Variants in ZFHX4 observed in about 807,000 individuals in gnomAD.
The protein encoded by ZFHX4 is zinc finger homeobox 4, also known as zinc finger homeobox protein 4.
Under a neutral mutation model 267.6 loss-of-function variants are expected in ZFHX4, and 56 were observed. The observed-to-expected ratio is 0.21, with a 90% confidence interval of 0.17 to 0.26. ZFHX4 has a LOEUF of 0.26. Ranked by LOEUF, ZFHX4 falls within the 10% of genes least tolerant of loss-of-function variation. The pLI is 1.00. For missense variants in ZFHX4, 4,332 were observed against 4,420.0 expected (o/e 0.98, Z 0.56); for synonymous variants, 1,778 against 1,665.6 (o/e 1.07, Z -1.64).
intron 3 of ZFHX4, among the ~76,000 whole-genome samples, chr8:76,754,952 T>G (rs1416100872): frequency 1.3e-5 from 2 of 152,218 alleles, no homozygotes; most frequent in Non-Finnish European, 2.9e-5. Flanking sequence ...TTTTTAACAC[T>G]CATTGCCAAA....
chr8:76,847,745 G>A (rs989866363), intron 6 of ZFHX4, among the ~76,000 whole-genome samples: 4 of 150,660 alleles, frequency 2.7e-5, no homozygotes. Flanking sequence ...TATTTTTTTT[G>A]TTTATTTTTA....
At chr8:76,815,278 C>A (rs897052690) in intron 4 of ZFHX4, among the ~76,000 whole-genome samples, 3 of 152,130 alleles carry the variant, frequency 2.0e-5, no homozygotes, top group African/African-American at 4.8e-5. Context: ...ACTAAGCTCA[C>A]TGTCTTAGTC....
At chr8:76,791,256 G>C (rs1047073021) in intron 4 of ZFHX4, among the ~76,000 whole-genome samples, 1 of 152,052 alleles carries the variant, frequency 6.6e-6, no homozygotes, top group African/African-American at 2.4e-5. Context: ...TTTTTATACA[G>C]ATCACACAGC....
intron 3 of ZFHX4, among the ~76,000 whole-genome samples, chr8:76,756,064 A>G (rs1809753102): frequency 6.6e-6 from 1 of 152,202 alleles, no homozygotes; most frequent in Admixed American, 6.5e-5. Flanking sequence ...TGAAGAAATC[A>G]TCAAAGAAGA....
At chr8:76,738,099 T>C (rs1809212749) in intron 3 of ZFHX4, among the ~76,000 whole-genome samples, 1 of 152,208 alleles carries the variant, frequency 6.6e-6, no homozygotes, top group African/African-American at 2.4e-5. Context: ...GCATCACATG[T>C]AGGAGGAAGG....
At chr8:76,845,427 C>T (rs1249227951) in intron 6 of ZFHX4, among the ~76,000 whole-genome samples, 3 of 151,916 alleles carry the variant, frequency 2.0e-5, no homozygotes, top group African/African-American at 7.2e-5. Context: ...AGGGAGTAAA[C>T]ATGAGGAAAG....
intron 3 of ZFHX4, among the ~76,000 whole-genome samples, chr8:76,734,195 A>G (rs560274775): frequency 6.6e-6 from 1 of 152,330 alleles, no homozygotes; most frequent in African/African-American, 2.4e-5. Context: ...CCTAAAATTG[A>G]AAACATCTGT....
chr8:76,774,211 G>A (rs990481557), intron 3 of ZFHX4, among the ~76,000 whole-genome samples: 1 of 152,070 alleles, frequency 6.6e-6, no homozygotes, highest in African/African-American at 2.4e-5. Flanking sequence ...TTATTTGGTG[G>A]TAAGACGTTT....
At position 76,685,550 on chromosome 8, in the gene ZFHX4, C is replaced by T. The variant is rs924160796; in HGVS notation, c.-47+3930C>T. On this transcript the variant is annotated intron_variant, in intron 1 of 10. Coordinates refer to ENST00000651372, the MANE Select transcript of ZFHX4 (RefSeq NM_024721.5). ...AAAGATATTGAAAATATAATATATA[C>T]GTTTATGTAATATATATGTACATTC... 5.9e-5 allele frequency among the ~76,000 whole-genome samples: 9 copies of T among 152,234 alleles called. No homozygotes were observed. In the East Asian group the frequency reaches 1.2e-3, roughly 20 times the overall value.
chr8:76,772,749 G>A (rs1810296970), intron 3 of ZFHX4, among the ~76,000 whole-genome samples: 2 of 152,088 alleles, frequency 1.3e-5, no homozygotes, highest in Non-Finnish European at 2.9e-5. Flanking sequence ...GCTATTCAAT[G>A]TACTTCATCC....
chr8:76,847,224 C>T (rs1812386232), intron 6 of ZFHX4, among the ~76,000 whole-genome samples: 1 of 152,050 alleles, frequency 6.6e-6, no homozygotes, highest in Non-Finnish European at 1.5e-5. Context: ...GTATATTCAG[C>T]TTTGAGAAAG....
chr8:76,705,416 A>C lies in ZFHX4; in HGVS notation c.1328A>C (p.Asn443Thr), dbSNP rs780515414. The C allele has an allele frequency of 6.2e-7, 1 of 1,613,882 alleles. No homozygotes were observed. The highest frequency in any genetic ancestry group is 1.1e-5 in the South Asian group (1 of 91,082). ...ATGTCAGAGAGCAAAGACCAAGAGAACAACTGTGAAAGGCCAAAAGAAAGC... is the reference window on the plus strand; with the variant it reads ...ATGTCAGAGAGCAAAGACCAAGAGACCAACTGTGAAAGGCCAAAAGAAAGC... ...SKMSESKDQE[N>T]NCERPKESNV... Residue 443 changes from asparagine to threonine, a missense_variant, in exon 2 of 11, where the codon AAC (asparagine) becomes ACC (threonine). Transcript: ENST00000651372.
chr8:76,846,505 C>G (rs958342853), intron 6 of ZFHX4, among the ~76,000 whole-genome samples: 14 of 152,068 alleles, frequency 9.2e-5, no homozygotes, highest in African/African-American at 2.9e-4. Flanking sequence ...ACAGTTGTTG[C>G]AACGGCCATG....
chr8:76,716,666 A>G (rs956130988), intron 3 of ZFHX4, among the ~76,000 whole-genome samples: 1 of 152,152 alleles, frequency 6.6e-6, no homozygotes, highest in African/African-American at 2.4e-5. Context: ...AAGGTATTGC[A>G]GATGTAGTAA....
intron 1 of ZFHX4, among the ~76,000 whole-genome samples, chr8:76,696,350 T>A (rs1388254926): frequency 6.6e-6 from 1 of 152,080 alleles, no homozygotes; most frequent in Non-Finnish European, 1.5e-5. Context: ...TTGTAATTAT[T>A]TTTCCTGAGA....
chr8:76,811,500 T>C (rs931333510), intron 4 of ZFHX4, among the ~76,000 whole-genome samples: 11 of 152,178 alleles, frequency 7.2e-5, no homozygotes, highest in African/African-American at 2.7e-4. Flanking sequence ...GAGCCAATCT[T>C]TCACTAGGAG....
At chr8:76,840,393 GT>G (rs769138875) in intron 5 of ZFHX4, among the ~76,000 whole-genome samples, 26 of 152,126 alleles carry the variant, frequency 1.7e-4, no homozygotes, top group Non-Finnish European at 3.5e-4. Context: ...TTCTCAAACT[GT>G]TGCCAGGGTC....
Position 76,771,811 on chromosome 8 carries a change from G to A in ZFHX4, c.3094-6397G>A, listed in dbSNP as rs184446991. On this transcript the variant is annotated intron_variant, in intron 3 of 10. Transcript: ENST00000651372. ...AGAGATGGTGGCAAAATGTAGAGAT[G>A]TTGATAGATTGGGAAATAATCAGAA... Among the ~76,000 whole-genome samples, 25 of 152,278 alleles carry A rather than the reference G, an allele frequency of 1.6e-4. No homozygotes were observed. In the East Asian group the frequency reaches 4.0e-3, roughly 25 times the overall value.
At chr8:76,791,614 G>T (rs1009818808) in intron 4 of ZFHX4, among the ~76,000 whole-genome samples, 3 of 152,064 alleles carry the variant, frequency 2.0e-5, no homozygotes, top group African/African-American at 4.8e-5. Context: ...GGAAGAAAAG[G>T]TGGCAGAGTA....
Sources: allele counts gnomAD v4.1 joint callset (sites outside exome capture counted in the v4.1 genomes callset), GRCh38; gene constraint gnomAD v4.1.1; transcripts MANE v1.5; gene names NCBI Gene and HGNC (gene_info 2026-07-23, HGNC 2026-07-21).